NCK2: variants seen among roughly 807,000 people sequenced by gnomAD.
The protein encoded by NCK2 is cytoplasmic protein NCK2.
Under a neutral mutation model 33.9 loss-of-function variants are expected in NCK2, and 16 were observed. The ratio of observed to expected loss-of-function variants is 0.47; its 90% CI spans 0.32 to 0.72. The LOEUF (loss-of-function observed/expected upper bound fraction) is 0.72. NCK2 is among the 30% of genes least tolerant of loss of function. The pLI is 0.03. For missense variants in NCK2, 418 were observed against 537.3 expected, an observed-to-expected ratio of 0.78 and a Z score of 2.19; for synonymous variants, 273 against 239.9, an observed-to-expected ratio of 1.14 and a Z score of -1.27.
At chr2:105,789,913 G>C (rs1361079694) in intron 1 of NCK2, among the ~76,000 whole-genome samples, 1 of 152,232 alleles carries the variant, frequency 6.6e-6, no homozygotes, top group East Asian at 1.9e-4. Context: ...GGATATGAGT[G>C]GTCGCCAACT....
intron 3 of NCK2, among the ~76,000 whole-genome samples, chr2:105,871,745 T>C (rs529520818): frequency 6.6e-6 from 1 of 152,332 alleles, no homozygotes; most frequent in East Asian, 1.9e-4. Context: ...TCTGCCCACC[T>C]TGGCCTCCCA....
chr2:105,812,911 T>A (rs758972786), intron 1 of NCK2, among the ~76,000 whole-genome samples: 1 of 151,902 alleles, frequency 6.6e-6, no homozygotes, highest in Non-Finnish European at 1.5e-5. Flanking sequence ...TGCTTCTTGA[T>A]GTAGCCTGAC....
intron 1 of NCK2, among the ~76,000 whole-genome samples, chr2:105,779,265 C>T (rs1690408841): frequency 6.8e-6 from 1 of 146,420 alleles, no homozygotes; most frequent in East Asian, 2.0e-4. Context: ...CGAGATTGTG[C>T]CACTGCACTC....
intron 3 of NCK2, among the ~76,000 whole-genome samples, chr2:105,864,523 G>A (rs372304560): frequency 1.2e-4 from 19 of 152,210 alleles, no homozygotes; most frequent in East Asian, 1.2e-3. Context: ...AGGGTGGGAC[G>A]TCAGTAGGAT....
At chr2:105,785,264 G>A (rs541832008) in intron 1 of NCK2, among the ~76,000 whole-genome samples, 9 of 152,282 alleles carry the variant, frequency 5.9e-5, no homozygotes, top group African/African-American at 2.4e-5. Flanking sequence ...AGGCGTGAGC[G>A]GCAGTTGGTT....
intron 3 of NCK2, among the ~76,000 whole-genome samples, chr2:105,866,625 CT>C (rs1203144609): frequency 6.6e-6 from 1 of 152,210 alleles, no homozygotes; most frequent in African/African-American, 2.4e-5. Flanking sequence ...CTGTGAGAAT[CT>C]AATGCTGCAC....
At chr2:105,884,203 GGTGGACAA>G (rs892329723) in intron 4 of NCK2, among the ~76,000 whole-genome samples, 1 of 151,842 alleles carries the variant, frequency 6.6e-6, no homozygotes, top group African/African-American at 2.4e-5. Context: ...GACCTGTCCT[GGTGGACAA>G]GTGGACAAGT....
At chr2:105,760,941 G>C (rs957224445) in intron 1 of NCK2, among the ~76,000 whole-genome samples, 2 of 152,216 alleles carry the variant, frequency 1.3e-5, no homozygotes, top group African/African-American at 4.8e-5. Context: ...ACATTCCCTG[G>C]TTGAAGTGGG....
chr2:105,777,029 G>T (rs1480457187), intron 1 of NCK2, among the ~76,000 whole-genome samples: 1 of 151,856 alleles, frequency 6.6e-6, no homozygotes, highest in East Asian at 1.9e-4. Context: ...GACTAAGAAA[G>T]CTGCCGCTGT....
intron 1 of NCK2, among the ~76,000 whole-genome samples, chr2:105,783,034 C>G (rs1690552850): frequency 6.6e-6 from 1 of 152,182 alleles, no homozygotes; most frequent in East Asian, 1.9e-4. Flanking sequence ...AGGCCAGAGC[C>G]TTTTTGGGTA....
chr2:105,789,652 G>A (rs559670442), intron 1 of NCK2, among the ~76,000 whole-genome samples: 46 of 152,224 alleles, frequency 3.0e-4, no homozygotes, highest in Non-Finnish European at 4.8e-4. Context: ...GGAACCAGCT[G>A]TAAAGCACTT....
intron 2 of NCK2, chr2:105,853,886 G>T (rs1330806315): frequency 6.6e-6 from 1 of 152,192 alleles, no homozygotes; most frequent in Non-Finnish European, 1.5e-5. Context: ...GGCAGGACAG[G>T]GTGATCAGCT....
intron 2 of NCK2, among the ~76,000 whole-genome samples, chr2:105,824,931 C>G (rs11683858): frequency 6.6e-6 from 1 of 152,214 alleles, no homozygotes; most frequent in Non-Finnish European, 1.5e-5. Context: ...GAGCCCATCT[C>G]CCACCTGAGT....
In NCK2 at chr2:105,867,705, G is replaced by A. The variant is rs373193516; in HGVS notation, c.226+12416G>A. ...GCGCTTGGCTGGGTGAGAGCCAGTC[G>A]TGTCCTGGTGAAAGGCAAAACATTA... On this transcript the variant is annotated intron_variant, in intron 3 of 4. Transcript: ENST00000233154. Among the ~76,000 whole-genome samples the A allele has an allele frequency of 3.9e-5, 6 of 152,264 alleles. No homozygotes were observed. In the East Asian group the frequency reaches 9.7e-4, roughly 25 times the overall value.
In NCK2 at chr2:105,785,552, T is replaced by G. The variant is rs1039860955; in HGVS notation, c.-200-30878T>G. Among the ~76,000 whole-genome samples the G allele has an allele frequency of 5.9e-5, 9 of 152,214 alleles. 1 individual carries two copies. The East Asian group carries it at 1.2e-3, about 20-fold the overall frequency. ...AGTCCTCCTTGTAACCTGGTCCCAC[T>G]GACAGGTTTCCCGCTGTGAACAGTA... On this transcript the variant is annotated intron_variant, in intron 1 of 4. Transcript: ENST00000233154.
intron 2 of NCK2, chr2:105,848,375 CTG>C (rs1338151667): frequency 6.6e-6 from 1 of 152,198 alleles, no homozygotes; most frequent in African/African-American, 2.4e-5. Context: ...GAGGAAACCT[CTG>C]TAATTTCAAC....
chr2:105,777,979 G>A (rs1365972049), intron 1 of NCK2, among the ~76,000 whole-genome samples: 1 of 152,150 alleles, frequency 6.6e-6, no homozygotes, highest in African/African-American at 2.4e-5. Context: ...TTTGAGACCT[G>A]GACTTTGTGA....
At chr2:105,794,861 G>A (rs1011266015) in intron 1 of NCK2, among the ~76,000 whole-genome samples, 1 of 151,960 alleles carries the variant, frequency 6.6e-6, no homozygotes, top group East Asian at 1.9e-4. Context: ...TAAACTGTTC[G>A]CATGGTTCCG....
intron 4 of NCK2, among the ~76,000 whole-genome samples, chr2:105,890,476 G>A (rs1036741840): frequency 1.3e-5 from 2 of 152,120 alleles, no homozygotes; most frequent in Non-Finnish European, 2.9e-5. Context: ...ACAACTTCTA[G>A]TACAGAATAT....
Sources: gnomAD v4.1 joint callset for allele counts (sites outside exome capture counted in the v4.1 genomes callset) on GRCh38, gnomAD v4.1.1 for gene constraint, MANE v1.5 for transcripts, NCBI Gene and HGNC (gene_info 2026-07-23, HGNC 2026-07-21) for gene names.